KCNMA1: variants seen among roughly 807,000 people sequenced by gnomAD.
KCNMA1 encodes the protein Calcium-activated potassium channel subunit alpha-1.
A neutral mutation model predicts 140.0 loss-of-function variants in KCNMA1; 29 were observed. The ratio of observed to expected loss-of-function variants is 0.21; its 90% CI spans 0.15 to 0.28. KCNMA1 has a LOEUF of 0.28. KCNMA1 is among the 10% of genes least tolerant of loss of function. The pLI is 1.00. For synonymous variants in KCNMA1, 612 were observed against 611.9 expected (o/e 1.00, Z 0.00); for missense variants, 880 against 1,602.2 (o/e 0.55, Z 7.70).
Position 77,001,508 on chromosome 10 carries a change from G to A in KCNMA1, c.2165C>T (p.Ser722Leu), listed in dbSNP as rs373620901. The change falls in exon 19 of 28, where the codon TCA (serine) becomes TTA (leucine). Residue 722 changes from serine (S) to leucine (L), a missense_variant. Transcript: ENST00000286628. ...FDCGRSERDC[S>L]CMSGRVRGNV... ...ACCACGCACACGGCCTGACATGCAT[G>A]AGCAGTCACGCTCAGAACGTCCGCA... 3.2e-5 allele frequency: 50 copies of A among 1,551,776 alleles called. No individual in the cohort carries two copies. Among genetic ancestry groups the A allele is most frequent in the Non-Finnish European group, 4.2e-5 (48 of 1,146,846 alleles).
intron 5 of KCNMA1, among the ~76,000 whole-genome samples, chr10:77,181,837 CTT>C (rs1368147534): frequency 6.6e-6 from 1 of 152,078 alleles, no homozygotes; most frequent in Non-Finnish European, 1.5e-5. Flanking sequence ...AAAACAAAAA[CTT>C]TTCCTTAGAG....
chr10:77,169,369 G>GTTTAA (rs951536336), intron 5 of KCNMA1, among the ~76,000 whole-genome samples: 1 of 151,896 alleles, frequency 6.6e-6, no homozygotes, highest in Non-Finnish European at 1.5e-5. Context: ...TTTTTTGTTT[G>GTTTAA]TTTAATTTAA....
chr10:77,500,977 C>T (rs149463833), intron 1 of KCNMA1, among the ~76,000 whole-genome samples: 327 of 152,314 alleles, frequency 2.1e-3, no homozygotes, highest in Non-Finnish European at 4.0e-3. Context: ...TCAGACCTAT[C>T]GCAGACCTGA....
chr10:76,891,375 T>C, intron 26 of KCNMA1, 150 bp downstream of exon 26: 1 of 698,622 alleles, frequency 1.4e-6, no homozygotes, highest in South Asian at 1.6e-5. Flanking sequence ...TGATCCAGAG[T>C]AAACTATAAA....
intron 5 of KCNMA1, among the ~76,000 whole-genome samples, chr10:77,151,827 T>C (rs2098421701): frequency 6.6e-6 from 1 of 152,228 alleles, no homozygotes; most frequent in Admixed American, 6.5e-5. Context: ...GATGTTACAC[T>C]GGGCAGGAAA....
chr10:77,368,411 T>G (rs1202630887), intron 2 of KCNMA1, among the ~76,000 whole-genome samples: 1 of 152,248 alleles, frequency 6.6e-6, no homozygotes, highest in Non-Finnish European at 1.5e-5. Flanking sequence ...CTGTTGAATT[T>G]TGAGAGTTCT....
chr10:77,008,098 A>G, intron 18 of KCNMA1: 1 of 1,322,840 alleles, frequency 7.6e-7, no homozygotes, highest in Non-Finnish European at 1.0e-6. Flanking sequence ...GGGAAACTAA[A>G]ACTGTACAGA....
At position 77,131,191 on chromosome 10, in the gene KCNMA1, C is replaced by T. The variant is rs144532824; in HGVS notation, c.809-10143G>A. Among the ~76,000 whole-genome samples, 580 of 152,316 alleles carry T rather than the reference C, an allele frequency of 3.8e-3. 4 individuals are homozygous for T. The highest frequency in any genetic ancestry group is 0.013 in the African/African-American group (543 of 41,566). Reference sequence around the variant, plus strand: ...TGGAAGAAACACACTGTCTCTACAGCTGTAAGACCAGTTACCGAATAGAAA... The same window carrying T: ...TGGAAGAAACACACTGTCTCTACAGTTGTAAGACCAGTTACCGAATAGAAA... On this transcript the variant is annotated intron_variant, in intron 5 of 27. Transcript: ENST00000286628.
chr10:77,636,582 G>A (rs1200929186), intron 1 of KCNMA1: 2 of 1,536,202 alleles, frequency 1.3e-6, no homozygotes, highest in East Asian at 2.4e-5. Flanking sequence ...AAGGGACGGA[G>A]TGGGAGGTTA....
chr10:77,171,484 A>G (rs2098708189), intron 5 of KCNMA1, among the ~76,000 whole-genome samples: 1 of 151,528 alleles, frequency 6.6e-6, no homozygotes, highest in South Asian at 2.1e-4. Flanking sequence ...CTGGTTTAAG[A>G]ACCACCACTG....
In KCNMA1 at chr10:77,027,805, G is replaced by A; in HGVS notation, c.1928+18C>T. ...CCATCAAAAGTGTCAGCTGGCTGCTGGGTCACCGCAAACTTACCGGCTCTC... is the reference window on the plus strand; with the variant it reads ...CCATCAAAAGTGTCAGCTGGCTGCTAGGTCACCGCAAACTTACCGGCTCTC... On this transcript the variant is annotated intron_variant, in intron 16 of 27. Transcript: ENST00000286628. 6.2e-7 allele frequency: 1 copy of A among 1,610,024 alleles called. No individual in the cohort carries two copies.
intron 3 of KCNMA1, among the ~76,000 whole-genome samples, chr10:77,230,399 C>CATTA (rs2053185560): frequency 6.6e-6 from 1 of 152,184 alleles, no homozygotes; most frequent in African/African-American, 2.4e-5. Flanking sequence ...GTACGAATCA[C>CATTA]CACTGTATCG....
chr10:77,109,923 A>G (rs2097282973), intron 8 of KCNMA1, among the ~76,000 whole-genome samples: 1 of 152,154 alleles, frequency 6.6e-6, no homozygotes, highest in African/African-American at 2.4e-5. Context: ...TCTTAAGACA[A>G]TTAGGTTTGC....
rs140429877 is a variant in KCNMA1 at position 76,923,822 on chromosome 10, A to AAAAC, written c.2903-8777_2903-8774dup. ...ACATGGTGAAACCTCGTCTCTACTAAAAACAAACAAACAAACAAACAAACA... is the reference window on the plus strand; with the variant it reads ...ACATGGTGAAACCTCGTCTCTACTAAAAACAAACAAACAAACAAACAAACAAACA... On this transcript the variant is annotated intron_variant, in intron 23 of 27. Coordinates refer to ENST00000286628, the MANE Select transcript of KCNMA1 (RefSeq NM_001161352.2). Among the ~76,000 whole-genome samples the AAAAC allele has an allele frequency of 3.2e-3, 485 of 152,102 alleles. 3 individuals carry two copies. The highest frequency in any genetic ancestry group is 0.015 in the East Asian group (77 of 5,172).
chr10:77,467,550 T>G (rs2098055550), intron 1 of KCNMA1, among the ~76,000 whole-genome samples: 1 of 152,228 alleles, frequency 6.6e-6, no homozygotes, highest in East Asian at 1.9e-4. Flanking sequence ...GCATCACAGT[T>G]GTGTGGACAC....
chr10:77,346,235 C>A (rs1209449104), intron 2 of KCNMA1, among the ~76,000 whole-genome samples: 24 of 152,188 alleles, frequency 1.6e-4, no homozygotes, highest in Admixed American at 1.6e-3. Context: ...CATGCAAAGC[C>A]AAGTGCTTTC....
chr10:76,968,196 G>A (rs1432703143), intron 20 of KCNMA1, among the ~76,000 whole-genome samples: 1 of 152,074 alleles, frequency 6.6e-6, no homozygotes, highest in African/African-American at 2.4e-5. Flanking sequence ...AAAGGCATTT[G>A]TGTAGAAGTA....
intron 2 of KCNMA1, among the ~76,000 whole-genome samples, chr10:77,277,012 G>A (rs1314483057): frequency 1.3e-5 from 2 of 152,102 alleles, no homozygotes; most frequent in Non-Finnish European, 2.9e-5. Flanking sequence ...ACACAGCGGG[G>A]ATTCTTCAAA....
At chr10:77,058,726 A>T (rs2095633580) in intron 14 of KCNMA1, among the ~76,000 whole-genome samples, 1 of 152,088 alleles carries the variant, frequency 6.6e-6, no homozygotes, top group South Asian at 2.1e-4. Flanking sequence ...TGAAAACACA[A>T]CATATCAAAA....
Sources: gnomAD v4.1 joint callset for allele counts (sites outside exome capture counted in the v4.1 genomes callset) on GRCh38, gnomAD v4.1.1 for gene constraint, MANE v1.5 for transcripts, NCBI Gene and HGNC (gene_info 2026-07-23, HGNC 2026-07-21) for gene names.